CACNA1H: variants seen among roughly 807,000 people sequenced by gnomAD.
CACNA1H encodes the protein voltage-dependent T-type calcium channel subunit alpha-1H.
In CACNA1H, 149 loss-of-function variants were observed where a neutral mutation model predicts 192.5. That is an observed-to-expected ratio of 0.77 (90% CI 0.68 to 0.89). The LOEUF (loss-of-function observed/expected upper bound fraction) is 0.89. Ranked by LOEUF, CACNA1H falls within the 40% of genes least tolerant of loss-of-function variation. The pLI, the probability that CACNA1H is intolerant of heterozygous loss-of-function variation, is 0.00. For missense variants in CACNA1H, 4,257 were observed against 3,423.5 expected (o/e 1.24, Z -6.08); for synonymous variants, 2,202 against 1,475.2 (o/e 1.49, Z -11.29).
chr16:1,185,688 CGGGTGAGTAGACGGTCGGCGTGCGT>C, intron 2 of CACNA1H, among the ~76,000 whole-genome samples: 1 of 82,548 alleles, frequency 1.2e-5, no homozygotes, highest in Non-Finnish European at 2.4e-5. Context: ...GTGTACGGGG[CGGGTGAGTAGACGGTCGGCGTGCGT>C]AGGGGCCGGA....
At chr16:1,175,593 C>T (rs999958064) in intron 2 of CACNA1H, among the ~76,000 whole-genome samples, 3 of 152,206 alleles carry the variant, frequency 2.0e-5, no homozygotes, top group Admixed American at 6.5e-5. Flanking sequence ...GTTGCCGTGC[C>T]CACTGCTGAC....
chr16:1,219,008 T>A lies in CACNA1H; in HGVS notation c.5926T>A (p.Cys1976Ser). ...ASVHSPPAES[C>S]ASLQIPLAVS... ...TGTGCACTCTCCGCCCGCAGAGTCC[T>A]GTGCCTCCCTCCAGATCCCATTGGC... The change falls in exon 34 of 35, where the codon TGT becomes AGT. Residue 1976 changes from cysteine (C) to serine (S), a missense_variant. Cys to Ser is a moderately radical substitution (Grantham distance 112, BLOSUM62 -1). Transcript: ENST00000348261. The A allele has an allele frequency of 6.5e-7, 1 of 1,550,290 alleles. No homozygotes were observed. Among genetic ancestry groups the A allele is most frequent in the African/African-American group, 1.4e-5 (1 of 73,154 alleles).
intron 2 of CACNA1H, among the ~76,000 whole-genome samples, chr16:1,169,757 A>G (rs1964176635): frequency 6.6e-6 from 1 of 152,130 alleles, no homozygotes; most frequent in African/African-American, 2.4e-5. Context: ...GTTCCCAGGA[A>G]CGTTTGTCCG....
At position 1,208,100 on chromosome 16, in the gene CACNA1H, C is replaced by G. The variant is rs140745132; in HGVS notation, c.3242C>G (p.Ala1081Gly). The G allele has an allele frequency of 1.3e-6, 2 of 1,596,362 alleles. No individual in the cohort carries two copies. The highest frequency in any genetic ancestry group is 1.7e-6 in the Non-Finnish European group (2 of 1,172,772). ...TCCCCTCCCCTCATCATGTGCACAGCTGCCACGCCCATGCCTACCCCCAAG... is the reference window on the plus strand; with the variant it reads ...TCCCCTCCCCTCATCATGTGCACAGGTGCCACGCCCATGCCTACCCCCAAG... ...SLSPPLIMCT[A>G]ATPMPTPKSS... Residue 1081 changes from alanine to glycine, a missense_variant, in exon 16 of 35, where the codon GCT (alanine) becomes GGT (glycine). By Grantham distance (60) the Ala-to-Gly change is moderately conservative (BLOSUM62 0). Transcript: ENST00000348261.
Position 1,206,116 on chromosome 16 carries a change from C to T in CACNA1H, c.2616C>T (p.Ile872=), listed in dbSNP as rs375605628. The T allele has an allele frequency of 5.3e-5, 84 of 1,581,428 alleles. No homozygotes were observed. Among genetic ancestry groups the T allele is most frequent in the Non-Finnish European group, 6.4e-5 (75 of 1,166,884 alleles). The part of the protein sequence containing the change: ...GIIVVISVWE[I]VGQADGGLSV... The stretch of plus-strand genomic sequence containing the variant: ...CACCTGTCCGCAGCGTCTGGGAGAT[C>T]GTGGGGCAGGCGGACGGTGGCTTGT... The change falls in exon 12 of 35, where the codon ATC becomes ATT. Residue 872 remains isoleucine (I), a synonymous_variant. Transcript: ENST00000348261.
chr16:1,179,911 A>G (rs1463257570), intron 2 of CACNA1H, among the ~76,000 whole-genome samples: 2 of 150,938 alleles, frequency 1.3e-5, no homozygotes, highest in Non-Finnish European at 2.9e-5. Flanking sequence ...ATTGTTTTGT[A>G]TTTTTAGTAG....
rs535742093 is a variant in CACNA1H at position 1,207,328 on chromosome 16, C to T, written c.2961C>T (p.Thr987=). Residue 987 remains threonine (T), a synonymous_variant, in exon 14 of 35, where the codon ACC becomes ACT. Coordinates refer to ENST00000348261, the MANE Select transcript of CACNA1H (RefSeq NM_021098.3). ...NVVLYNGMAS[T]SSWAALYFVA... ...TCCTGTACAACGGCATGGCCTCCAC[C>T]TCCTCCTGGGCCGCCCTCTACTTCG... The T allele has an allele frequency of 1.4e-5, 22 of 1,611,454 alleles. No homozygotes were observed. The African/African-American group carries it at 1.7e-4, about 13-fold the overall frequency.
chr16:1,205,183 C>T lies in CACNA1H; in HGVS notation c.2521C>T (p.Leu841=), dbSNP rs1968534988. The T allele has an allele frequency of 2.5e-6, 4 of 1,613,100 alleles. No individual in the cohort carries two copies. The highest frequency in any genetic ancestry group is 1.3e-5 in the African/African-American group (1 of 75,040). Residue 841 remains leucine, a synonymous_variant, in exon 11 of 35, where the codon CTG becomes TTG. Transcript: ENST00000348261. ...VFTSMFALEM[L]LKLLACGPLG... ...CACCAGCATGTTTGCCCTGGAGATGCTGCTGAAGCTGCTGGCCTGCGGCCC... is the reference window on the plus strand; with the variant it reads ...CACCAGCATGTTTGCCCTGGAGATGTTGCTGAAGCTGCTGGCCTGCGGCCC...
At chr16:1,189,287 G>A (rs1966368292) in intron 2 of CACNA1H, among the ~76,000 whole-genome samples, 1 of 151,938 alleles carries the variant, frequency 6.6e-6, no homozygotes, top group African/African-American at 2.4e-5. Context: ...TCAGGAGTAG[G>A]AAGGGGGCTT....
intron 2 of CACNA1H, chr16:1,157,947 C>T (rs1012289615): frequency 5.3e-5 from 8 of 152,254 alleles, no homozygotes; most frequent in Admixed American, 3.3e-4. Flanking sequence ...GCGTGTCTCC[C>T]GGAGACCCTG....
rs1425714661 is a variant in CACNA1H, at chr16:1,198,730, T to C, written c.759T>C (p.Ala253=). The change falls in exon 6 of 35, where the codon GCT becomes GCC. Residue 253 remains alanine (A), a synonymous_variant. Coordinates refer to ENST00000348261, the MANE Select transcript of CACNA1H (RefSeq NM_021098.3). ...IFGIVGVQLW[A]GLLRNRCFLD... is the part of the protein sequence containing the mutation. The stretch of plus-strand genomic sequence containing the variant: ...GCATCGTTGGCGTCCAGCTCTGGGC[T>C]GGCCTCCTGCGGAACCGCTGCTTCC... 1.2e-6 allele frequency: 2 copies of C among 1,613,086 alleles called. No individual in the cohort carries two copies. The highest frequency in any genetic ancestry group is 3.3e-5 in the Admixed American group (2 of 59,984).
At chr16:1,188,871 T>C (rs112921600) in intron 2 of CACNA1H, among the ~76,000 whole-genome samples, 2 of 152,302 alleles carry the variant, frequency 1.3e-5, no homozygotes, top group African/African-American at 4.8e-5. Context: ...GCGAGGCTGC[T>C]GATTCAGCAC....
Position 1,202,021 on chromosome 16 carries a change from A to G in CACNA1H, c.1571A>G (p.His524Arg). ...VHHLVYHHHHHHHHHYHFSHG... is the reference protein window; with the variant it reads ...VHHLVYHHHHRHHHHYHFSHG... ...CACCTGGTCTACCACCACCATCACC[A>G]CCACCACCACCACTACCATTTCAGC... Residue 524 changes from histidine to arginine, a missense_variant, in exon 9 of 35, where the codon CAC becomes CGC. Transcript: ENST00000348261. The G allele has an allele frequency of 6.5e-7, 1 of 1,537,072 alleles. No individual in the cohort carries two copies. The highest frequency in any genetic ancestry group is 8.7e-7 in the Non-Finnish European group (1 of 1,143,778).
chr16:1,204,531 C>T (rs967526222), intron 10 of CACNA1H, 73 bp downstream of exon 10: 21 of 1,254,264 alleles, frequency 1.7e-5, no homozygotes, highest in Middle Eastern at 4.9e-4. Context: ...AGGAGGCTTC[C>T]AGCAGCCCCG....
At chr16:1,192,682 C>T (rs925932127) in intron 2 of CACNA1H, among the ~76,000 whole-genome samples, 3 of 152,120 alleles carry the variant, frequency 2.0e-5, no homozygotes, top group Non-Finnish European at 2.9e-5. Context: ...CAGGTAGCCC[C>T]CTAGCCTAGG....
rs1963956959 is a variant in CACNA1H, at chr16:1,167,876, A to G, written c.299+13840A>G. 6.6e-6 allele frequency among the ~76,000 whole-genome samples: 1 copy of G among 152,138 alleles called. No individual in the cohort carries two copies. The highest frequency in any genetic ancestry group is 2.4e-5 in the African/African-American group (1 of 41,434). Reference sequence around the variant, plus strand: ...TCCGTCCGCGGGGCCCGGGCTGCCCATGGCAGCAGGTGCTCAGTAAGCACT... The same window carrying G: ...TCCGTCCGCGGGGCCCGGGCTGCCCGTGGCAGCAGGTGCTCAGTAAGCACT... On this transcript the variant is annotated intron_variant, in intron 2 of 34. Coordinates refer to ENST00000348261, the MANE Select transcript of CACNA1H (RefSeq NM_021098.3). This position sits in a 1 kb window ranked among gnomAD's most constrained non-coding sequence, Gnocchi z 4.2.
intron 26 of CACNA1H, among the ~76,000 whole-genome samples, chr16:1,212,758 C>CG (rs1486177534): frequency 4.6e-5 from 7 of 152,340 alleles, no homozygotes; most frequent in African/African-American, 1.7e-4. Flanking sequence ...CTCCGCCGTG[C>CG]GCCGGGACAC....
In CACNA1H at chr16:1,220,127, C is replaced by T. The variant is rs375589233; in HGVS notation, c.6195C>T (p.Ala2065=). The T allele has an allele frequency of 2.4e-3, 3,648 of 1,494,686 alleles. 8 individuals are homozygous for T. The highest frequency in any genetic ancestry group is 3.7e-3 in the Middle Eastern group (21 of 5,624). The allele number at this position is 1,494,686 out of a possible 1,614,324, so 92.6% of individuals were successfully genotyped here. ...LQSPPRSPRP[A]SVRTRKHTFG... is the part of the protein sequence containing the mutation. ...CCCCACCACGCTCCCCACGGCCCGC[C>T]AGCGTCCGCACTCGTAAGCATACCT... The change falls in exon 35 of 35, where the codon GCC becomes GCT. Residue 2065 remains alanine (A), a synonymous_variant. Coordinates refer to ENST00000348261, the MANE Select transcript of CACNA1H (RefSeq NM_021098.3).
chr16:1,173,679 C>G (rs2369844), intron 2 of CACNA1H, among the ~76,000 whole-genome samples: 2 of 152,086 alleles, frequency 1.3e-5, no homozygotes, highest in East Asian at 3.9e-4. Flanking sequence ...CGGGAACGCC[C>G]GTCGGAGGGG....
Sources: allele counts gnomAD v4.1 joint callset (sites outside exome capture counted in the v4.1 genomes callset), GRCh38; gene constraint gnomAD v4.1.1; non-coding constraint Gnocchi (gnomAD v3.1); transcripts MANE v1.5; gene names NCBI Gene and HGNC (gene_info 2026-07-23, HGNC 2026-07-21).